The following CSMD3 variants were observed in gnomAD, a reference collection of about 807,000 sequenced individuals.
CSMD3 encodes the protein CUB and Sushi multiple domains 3.
A neutral mutation model predicts 435.2 loss-of-function variants in CSMD3; 177 were observed. The ratio of observed to expected loss-of-function variants is 0.41; its 90% CI spans 0.36 to 0.46. CSMD3 has a LOEUF of 0.46. Ranked by LOEUF, CSMD3 falls within the 20% of genes least tolerant of loss-of-function variation. The pLI is 0.34. For synonymous variants in CSMD3, 1,656 were observed against 1,520.5 expected (o/e 1.09, Z -2.07); for missense variants, 4,265 against 4,504.6 (o/e 0.95, Z 1.52).
intron 4 of CSMD3, among the ~76,000 whole-genome samples, chr8:113,105,533 A>C (rs1193157568): frequency 6.6e-6 from 1 of 152,148 alleles, no homozygotes; most frequent in East Asian, 1.9e-4. Context: ...AATTGGATGA[A>C]ATTTCATGAA....
intron 5 of CSMD3, among the ~76,000 whole-genome samples, chr8:113,064,444 T>A (rs2088763138): frequency 6.6e-6 from 1 of 152,072 alleles, no homozygotes; most frequent in Non-Finnish European, 1.5e-5. Context: ...ATAAGAAAAA[T>A]AAATAAATTA....
intron 10 of CSMD3, among the ~76,000 whole-genome samples, chr8:112,896,759 C>CTCATACTACA (rs2081960910): frequency 6.6e-6 from 1 of 151,194 alleles, no homozygotes; most frequent in Non-Finnish European, 1.5e-5. Context: ...GGTTCCATTC[C>CTCATACTACA]TCATACTACA....
At chr8:113,324,715 G>T (rs954624587) in intron 1 of CSMD3, among the ~76,000 whole-genome samples, 3 of 152,264 alleles carry the variant, frequency 2.0e-5, no homozygotes, top group Middle Eastern at 3.4e-3. Flanking sequence ...GTGAGAGAGG[G>T]CCACCATCCT....
chr8:112,974,861 A>T (rs372637823), intron 7 of CSMD3, among the ~76,000 whole-genome samples: 11 of 151,810 alleles, frequency 7.2e-5, no homozygotes, highest in African/African-American at 2.7e-4. Flanking sequence ...CCATTACTTA[A>T]ATCATGGTCT....
intron 1 of CSMD3, among the ~76,000 whole-genome samples, chr8:113,345,787 G>T (rs1194206911): frequency 6.6e-6 from 1 of 152,074 alleles, no homozygotes; most frequent in Non-Finnish European, 1.5e-5. Flanking sequence ...TGAAGAGACA[G>T]GCACAGTAAG....
chr8:112,368,245 C>T (rs566116397), intron 38 of CSMD3, among the ~76,000 whole-genome samples: 4 of 152,222 alleles, frequency 2.6e-5, no homozygotes, highest in East Asian at 3.9e-4. Flanking sequence ...ACCCCTAATA[C>T]AAATGATCTC....
At chr8:112,409,307 G>T (rs189754567) in intron 32 of CSMD3, among the ~76,000 whole-genome samples, 3 of 152,012 alleles carry the variant, frequency 2.0e-5, no homozygotes, top group East Asian at 3.9e-4. Context: ...ATTTGGATCA[G>T]AAATCATAAA....
Position 112,954,863 on chromosome 8 carries a change from A to T in CSMD3, c.1343-102T>A, listed in dbSNP as rs1170952797. On this transcript the variant is annotated intron_variant, in intron 7 of 70. Transcript: ENST00000297405. ...AGCATGGACTTATGCAAGATAAAGA[A>T]ACCACTTTCTTAAGCCTGATATAGT... 3 of 744,180 alleles carry T rather than the reference A, an allele frequency of 4.0e-6. No individual in the cohort carries two copies. The African/African-American group carries it at 5.3e-5, about 13-fold the overall frequency. The allele number at this position is 744,180 out of a possible 1,614,324, so 46.1% of individuals were successfully genotyped here. A position where few individuals can be genotyped will look rare whatever the true frequency, so the allele number is the denominator to read the frequency against.
At chr8:113,209,909 A>G (rs1294487995) in intron 3 of CSMD3, among the ~76,000 whole-genome samples, 2 of 151,822 alleles carry the variant, frequency 1.3e-5, no homozygotes, top group African/African-American at 4.8e-5. Context: ...AAAAAACCCA[A>G]ACTTTAAAAA....
At chr8:112,913,431 G>A (rs2082483757) in intron 10 of CSMD3, among the ~76,000 whole-genome samples, 1 of 151,858 alleles carries the variant, frequency 6.6e-6, no homozygotes, top group South Asian at 2.1e-4. Flanking sequence ...TGCTGTGTGA[G>A]CCTGGTTCCT....
At chr8:112,412,654 A>G (rs944576166) in intron 32 of CSMD3, among the ~76,000 whole-genome samples, 1 of 152,160 alleles carries the variant, frequency 6.6e-6, no homozygotes, top group African/African-American at 2.4e-5. Context: ...GTAAGATAAA[A>G]GCAAACATAA....
At chr8:112,920,902 CAT>C (rs146558665) in intron 10 of CSMD3, among the ~76,000 whole-genome samples, 52,914 of 113,318 alleles carry the variant, frequency 0.47, 9,883 homozygotes, top group East Asian at 0.53. Context: ...AATATTTTGC[CAT>C]ATATATATAT....
At chr8:113,210,740 G>GGCGTGTGCTT (rs2092824761) in intron 3 of CSMD3, among the ~76,000 whole-genome samples, 1 of 151,900 alleles carries the variant, frequency 6.6e-6, no homozygotes, top group East Asian at 1.9e-4. Context: ...AGCTGGGCAT[G>GGCGTGTGCTT]GTAGCAGGGA....
intron 4 of CSMD3, among the ~76,000 whole-genome samples, chr8:113,152,279 C>T (rs369026656): frequency 6.6e-6 from 1 of 151,934 alleles, no homozygotes; most frequent in South Asian, 2.1e-4. Context: ...TAGCATAATA[C>T]CACTTATGTA....
rs574478673 is a variant in CSMD3, at chr8:113,414,592, ATAT to A, written c.178+22082_178+22084del. 1.7e-4 allele frequency among the ~76,000 whole-genome samples: 25 copies of A among 150,304 alleles called. No homozygotes were observed. In the South Asian group the frequency reaches 5.2e-3, roughly 32 times the overall value. On this transcript the variant is annotated intron_variant, in intron 1 of 70. Transcript: ENST00000297405. ...AAATTGAAATACTTATTATTTGAACATATTATATTTTTTCTTCTCACTTATAGA... is the reference window on the plus strand; with the variant it reads ...AAATTGAAATACTTATTATTTGAACATATATTTTTTCTTCTCACTTATAGA...
intron 4 of CSMD3, among the ~76,000 whole-genome samples, chr8:113,114,725 G>T (rs1030158052): frequency 6.6e-6 from 1 of 152,074 alleles, no homozygotes; most frequent in Non-Finnish European, 1.5e-5. Context: ...TTTAGGGTTG[G>T]AGATGAATTA....
At chr8:112,951,611 AC>A (rs1318019042) in intron 8 of CSMD3, among the ~76,000 whole-genome samples, 1 of 151,850 alleles carries the variant, frequency 6.6e-6, no homozygotes, top group African/African-American at 2.4e-5. Context: ...TTCACATTCT[AC>A]AAAGAGTTAT....
At chr8:112,610,274 T>C (rs1394514265) in intron 22 of CSMD3, among the ~76,000 whole-genome samples, 5 of 152,054 alleles carry the variant, frequency 3.3e-5, no homozygotes, top group African/African-American at 9.7e-5. Context: ...AAACATTACG[T>C]TGTATATCTT....
chr8:112,920,908 T>C (rs1359604691), intron 10 of CSMD3, among the ~76,000 whole-genome samples: 1 of 142,028 alleles, frequency 7.0e-6, no homozygotes, highest in Non-Finnish European at 1.6e-5. Flanking sequence ...TTGCCATATA[T>C]ATATATATAT....
Sources: allele counts gnomAD v4.1 joint callset (sites outside exome capture counted in the v4.1 genomes callset), GRCh38; gene constraint gnomAD v4.1.1; transcripts MANE v1.5; gene names NCBI Gene and HGNC (gene_info 2026-07-23, HGNC 2026-07-21).